CDH23: variants seen among roughly 807,000 people sequenced by gnomAD.
The protein encoded by CDH23 is cadherin-23.
A neutral mutation model predicts 317.1 loss-of-function variants in CDH23; 189 were observed. The ratio of observed to expected loss-of-function variants is 0.60; its 90% CI spans 0.53 to 0.67. The LOEUF (loss-of-function observed/expected upper bound fraction) is 0.67. Ranked by LOEUF, CDH23 falls within the 30% of genes least tolerant of loss-of-function variation. CDH23 has a pLI of 0.00. For missense variants in CDH23, 4,401 were observed against 4,592.4 expected (o/e 0.96, Z 1.20); for synonymous variants, 1,839 against 1,876.8 (o/e 0.98, Z 0.52).
At chr10:71,629,345 C>T (rs1399999819) in intron 11 of CDH23, among the ~76,000 whole-genome samples, 3 of 152,156 alleles carry the variant, frequency 2.0e-5, no homozygotes, top group Non-Finnish European at 4.4e-5. Context: ...CCTTGACAGG[C>T]CTGGGTGAAG....
At chr10:71,663,383 G>A (rs957705822) in intron 14 of CDH23, among the ~76,000 whole-genome samples, 10 of 152,144 alleles carry the variant, frequency 6.6e-5, no homozygotes, top group African/African-American at 9.7e-5. Context: ...GTTGCCTGCC[G>A]GGAATGCCGT....
intron 1 of CDH23, among the ~76,000 whole-genome samples, chr10:71,424,707 A>G (rs1848975401): frequency 6.6e-6 from 1 of 152,168 alleles, no homozygotes; most frequent in Non-Finnish European, 1.5e-5. Context: ...CTCACTGTGC[A>G]CCTACTGTCC....
chr10:71,792,820 TAAAAAAAAAAAA>T (rs1158593304), intron 47 of CDH23, among the ~76,000 whole-genome samples: 15 of 47,912 alleles, frequency 3.1e-4, no homozygotes, highest in African/African-American at 1.2e-3. Flanking sequence ...AGACTCCATC[TAAAAAAAAAAAA>T]AAAAAAAAAA....
chr10:71,609,212 T>G (rs987324714), intron 9 of CDH23, among the ~76,000 whole-genome samples: 1 of 151,762 alleles, frequency 6.6e-6, no homozygotes, highest in Non-Finnish European at 1.5e-5. Flanking sequence ...CTGCCCCACA[T>G]GGCTCGAAGA....
At chr10:71,610,736 C>T (rs1253143164) in intron 9 of CDH23, among the ~76,000 whole-genome samples, 1 of 149,290 alleles carries the variant, frequency 6.7e-6, no homozygotes, top group Admixed American at 6.7e-5. Flanking sequence ...CAGCCTTTCA[C>T]ACATGATTCA....
At position 71,706,968 on chromosome 10, in the gene CDH23, C is replaced by T. The variant is rs1865813903; in HGVS notation, c.3025C>T (p.Pro1009Ser). 16 of 1,607,356 alleles carry T rather than the reference C, an allele frequency of 1.0e-5. No homozygotes were observed. Among genetic ancestry groups the T allele is most frequent in the Non-Finnish European group, 1.4e-5 (16 of 1,177,160 alleles). The stretch of plus-strand genomic sequence containing the variant: ...CAATGTGTCTGTGTCCGAGGACGTG[C>T]CACGCGAGTTCCGGGTGGTCTGGCT... ...VYNVSVSEDV[P>S]REFRVVWLNC... is the part of the protein sequence containing the mutation. Residue 1009 changes from proline to serine, a missense_variant, in exon 26 of 70, where the codon CCA becomes TCA. Pro to Ser is a moderately conservative substitution (Grantham distance 74). Around this residue, in one of 3 missense-constraint regions of CDH23, gnomAD observed 3,068 missense variants for 3,203.3 expected, o/e 0.96. Transcript: ENST00000224721.
intron 47 of CDH23, among the ~76,000 whole-genome samples, chr10:71,792,385 T>C (rs140940902): frequency 6.6e-6 from 1 of 152,064 alleles, no homozygotes. Context: ...CTTAGGTGAA[T>C]AACTCATTTC....
At chr10:71,640,635 C>G (rs1862497788) in intron 11 of CDH23, among the ~76,000 whole-genome samples, 1 of 152,198 alleles carries the variant, frequency 6.6e-6, no homozygotes, top group Admixed American at 6.5e-5. Context: ...GTAATCCCAG[C>G]TACTCGGGAG....
intron 1 of CDH23, among the ~76,000 whole-genome samples, chr10:71,413,067 C>T (rs1282942854): frequency 3.3e-5 from 5 of 152,102 alleles, no homozygotes; most frequent in East Asian, 1.9e-4. Flanking sequence ...AATCCAATAT[C>T]GTGGTTTCCC....
intron 9 of CDH23, among the ~76,000 whole-genome samples, chr10:71,608,243 G>C (rs1429546844): frequency 6.6e-6 from 1 of 152,214 alleles, no homozygotes; most frequent in East Asian, 1.9e-4. Flanking sequence ...GACTAGAAGA[G>C]AGACCATTGG....
At chr10:71,677,393 C>G in intron 15 of CDH23, 63 bp from the exon 16 acceptor site, 1 of 1,332,732 alleles carries the variant, frequency 7.5e-7, no homozygotes, top group South Asian at 1.4e-5. Flanking sequence ...AAATGCCGGC[C>G]CCATCAACAA....
At position 71,617,226 on chromosome 10, in the gene CDH23, C is replaced by T. The variant is rs562475871; in HGVS notation, c.967C>T (p.Arg323Cys). The stretch of plus-strand genomic sequence containing the variant: ...ATAGGGCACGGAGCTGAACGATGAC[C>T]GCACCCCATCTGACGCTACAGTCAC... ...TVKGTELNDD[R>C]TPSDATVTTT... Residue 323 changes from arginine (R) to cysteine (C), a missense_variant, in exon 11 of 70, where the codon CGC (arginine) becomes TGC (cysteine). Around this residue, in one of 3 missense-constraint regions of CDH23, gnomAD observed 3,068 missense variants for 3,203.3 expected, o/e 0.96. Transcript: ENST00000224721. 9 of 1,613,706 alleles carry T rather than the reference C, an allele frequency of 5.6e-6. No homozygotes were observed. Among genetic ancestry groups the T allele is most frequent in the African/African-American group, 1.3e-5 (1 of 74,904 alleles).
Position 71,815,257 on chromosome 10 carries a change from C to T in CDH23, c.10044C>T (p.Pro3348=), listed in dbSNP as rs370568585. The change falls in exon 70 of 70, where the codon CCC becomes CCT. Residue 3348 remains proline (P), a synonymous_variant. Coordinates refer to ENST00000224721, the MANE Select transcript of CDH23 (RefSeq NM_022124.6). ...HKLRDVIMET[P]LEITEL ...TTCGCGACGTGATCATGGAGACCCC[C>T]CTGGAGATCACAGAGCTGTGACTAG... is the stretch of plus-strand genomic sequence containing the variant. The T allele has an allele frequency of 6.3e-7, 1 of 1,578,944 alleles. No individual in the cohort carries two copies. Among genetic ancestry groups the T allele is most frequent in the East Asian group, 2.3e-5 (1 of 44,360 alleles).
In CDH23 at chr10:71,702,246, C is replaced by T. The variant is rs186492861; in HGVS notation, c.2587+35C>T. On this transcript the variant is annotated intron_variant, in intron 23 of 69. Coordinates refer to ENST00000224721, the MANE Select transcript of CDH23 (RefSeq NM_022124.6). ...CCTCTCGCCCCTCACGGCCCCCACA[C>T]CTTAGGCTGCGGGTGTCCCTGGTGA... The T allele has an allele frequency of 4.8e-4, 759 of 1,597,252 alleles. 4 individuals are homozygous for T. The East Asian group carries it at 0.014, about 30-fold the overall frequency.
chr10:71,420,826 G>A (rs1210171431), intron 1 of CDH23, among the ~76,000 whole-genome samples: 1 of 152,022 alleles, frequency 6.6e-6, no homozygotes, highest in African/African-American at 2.4e-5. Flanking sequence ...TGCTCTCTTG[G>A]CCTCTGCTTT....
chr10:71,666,824 A>G lies in CDH23; in HGVS notation c.1450-8288A>G, dbSNP rs535781385. 2.6e-5 allele frequency among the ~76,000 whole-genome samples: 4 copies of G among 152,268 alleles called. No individual in the cohort carries two copies. In the East Asian group the frequency reaches 7.7e-4, roughly 29 times the overall value. ...CCTGCCAGCCACTCCAACCCCCCAGAGCTTACAAGAGTGCAGTTAATCTCA... is the reference window on the plus strand; with the variant it reads ...CCTGCCAGCCACTCCAACCCCCCAGGGCTTACAAGAGTGCAGTTAATCTCA... On this transcript the variant is annotated intron_variant, in intron 14 of 69. Coordinates refer to ENST00000224721, the MANE Select transcript of CDH23 (RefSeq NM_022124.6).
intron 1 of CDH23, among the ~76,000 whole-genome samples, chr10:71,439,371 C>T (rs1849764999): frequency 6.6e-6 from 1 of 152,186 alleles, no homozygotes; most frequent in Non-Finnish European, 1.5e-5. Context: ...TGCCAAGCCC[C>T]CTGTTAGACC....
At chr10:71,727,276 G>A (rs1304060422) in intron 30 of CDH23, among the ~76,000 whole-genome samples, 1 of 152,204 alleles carries the variant, frequency 6.6e-6, no homozygotes, top group African/African-American at 2.4e-5. Flanking sequence ...GCCAGCTTGA[G>A]CCTGTCCCCT....
chr10:71,484,350 C>G (rs1852231011), intron 3 of CDH23, among the ~76,000 whole-genome samples: 1 of 152,216 alleles, frequency 6.6e-6, no homozygotes, highest in Non-Finnish European at 1.5e-5. Flanking sequence ...TCCTCCATCT[C>G]CCAGGGGAGC....
Sources: allele counts gnomAD v4.1 joint callset (sites outside exome capture counted in the v4.1 genomes callset), GRCh38; gene constraint gnomAD v4.1.1; regional missense constraint gnomAD v4.1.1; transcripts MANE v1.5; gene names NCBI Gene and HGNC (gene_info 2026-07-23, HGNC 2026-07-21).